The following PPM1B variants were observed in gnomAD, a reference collection of about 807,000 sequenced individuals.
PPM1B encodes the protein protein phosphatase 1B.
A neutral mutation model predicts 43.0 loss-of-function variants in PPM1B; 22 were observed. The observed-to-expected ratio is 0.51, with a 90% CI of 0.37 to 0.73. The LOEUF is 0.73. Ranked by LOEUF, PPM1B falls within the 30% of genes least tolerant of loss-of-function variation. The pLI is 0.00. For synonymous variants in PPM1B, 217 were observed against 197.9 expected (o/e 1.10, Z -0.81); for missense variants, 632 against 584.2 (o/e 1.08, Z -0.84).
At chr2:44,224,221 C>T (rs995300351) in intron 5 of PPM1B, among the ~76,000 whole-genome samples, 10 of 151,956 alleles carry the variant, frequency 6.6e-5, no homozygotes, top group African/African-American at 1.2e-4. Context: ...TTTGGGAGGC[C>T]GAGGTGGGCG....
At chr2:44,227,918 TTTTC>T (rs1433155906) in intron 5 of PPM1B, among the ~76,000 whole-genome samples, 1 of 108,142 alleles carries the variant, frequency 9.2e-6, no homozygotes, top group Non-Finnish European at 2.1e-5. Flanking sequence ...TTTCTTTTTC[TTTTC>T]TTTTTTTTTT....
rs546925613 is a variant in PPM1B, at chr2:44,217,264, T to C, written c.965-703T>C. Among the ~76,000 whole-genome samples, 22 of 151,966 alleles carry C rather than the reference T, an allele frequency of 1.4e-4. No homozygotes were observed. In the East Asian group the frequency reaches 2.3e-3, roughly 16 times the overall value. ...AAAATACAAAATTAGCCAGGCATGG[T>C]AGCACATGCCTGTAATCCCAGCTAC... On this transcript the variant is annotated intron_variant, in intron 3 of 5. Coordinates refer to ENST00000282412, the MANE Select transcript of PPM1B (RefSeq NM_002706.6).
intron 1 of PPM1B, among the ~76,000 whole-genome samples, chr2:44,176,017 C>G (rs1285785382): frequency 6.6e-6 from 1 of 152,092 alleles, no homozygotes; most frequent in African/African-American, 2.4e-5. Context: ...AACTCCTGAC[C>G]TCATGATCCA....
chr2:44,173,444 C>A (rs773641047), intron 1 of PPM1B, among the ~76,000 whole-genome samples: 5 of 151,686 alleles, frequency 3.3e-5, no homozygotes, highest in Non-Finnish European at 7.4e-5. Flanking sequence ...TCTCATACTT[C>A]GTAGTTTTCC....
rs1054554241 is a variant in PPM1B, at chr2:44,168,927, T to C, written c.-362T>C. On this transcript the variant is annotated 5_prime_UTR_variant, in exon 1 of 6. It removes the in-frame stop codon of an upstream open reading frame in the 5' UTR. Transcript: ENST00000282412. The stretch of plus-strand genomic sequence containing the variant: ...AATGGCGGAAAAGCCGCCGGTGCTC[T>C]GACGGCCTCGTTCCCCTAGCAGTTG... 1 of 153,504 alleles carries C rather than the reference T, an allele frequency of 6.5e-6. No homozygotes were observed. Among genetic ancestry groups the C allele is most frequent in the Non-Finnish European group, 1.5e-5 (1 of 68,334 alleles). The allele number at this position is 153,504 out of a possible 1,614,324, so 9.5% of individuals were successfully genotyped here. A position where few individuals can be genotyped will look rare whatever the true frequency, so the allele number is the denominator to read the frequency against.
intron 1 of PPM1B, among the ~76,000 whole-genome samples, chr2:44,188,111 T>G (rs1347111304): frequency 6.6e-6 from 1 of 152,218 alleles, no homozygotes; most frequent in Non-Finnish European, 1.5e-5. Flanking sequence ...TTACTTTAAC[T>G]TTCAAAAACC....
At chr2:44,225,033 A>C (rs1670151072) in intron 5 of PPM1B, among the ~76,000 whole-genome samples, 1 of 152,184 alleles carries the variant, frequency 6.6e-6, no homozygotes, top group Non-Finnish European at 1.5e-5. Context: ...CACAAATCAG[A>C]GCCCTGCCAT....
At chr2:44,230,150 G>A in intron 5 of PPM1B, 2 of 1,437,256 alleles carry the variant, frequency 1.4e-6, no homozygotes, top group Non-Finnish European at 1.8e-6. Flanking sequence ...TATAAAAGCT[G>A]AGTAAATTTC....
Position 44,241,430 on chromosome 2 carries a change from G to T in PPM1B, n.1547-2798G>T, listed in dbSNP as rs1215742741. Among the ~76,000 whole-genome samples the T allele has an allele frequency of 6.2e-5, 9 of 144,470 alleles. 1 individual carries two copies. The highest frequency in any genetic ancestry group is 4.1e-4 in the Admixed American group (6 of 14,514). 94.8% of individuals were successfully genotyped at this position (144,470 alleles called of 152,430 possible). On this transcript the variant is annotated intron_variant and non_coding_transcript_variant, in intron 5 of 5. Transcript: ENST00000378540. ...GGAATACATGTGTTAATATTTAAGT[G>T]CTGTTTAAAATGTCTTCAAGGCCAG...
intron 5 of PPM1B, among the ~76,000 whole-genome samples, chr2:44,220,683 A>G: frequency 6.6e-6 from 1 of 152,216 alleles, no homozygotes; most frequent in South Asian, 2.1e-4. Context: ...ACCTTAAATG[A>G]TCAAAATATT....
At chr2:44,202,176 C>G (rs1668970689) in intron 2 of PPM1B, 131 bp downstream of exon 2, 1 of 900,128 alleles carries the variant, frequency 1.1e-6, no homozygotes, top group African/African-American at 1.7e-5. Flanking sequence ...AGTACTTTAC[C>G]AGAAATGAAA....
At chr2:44,193,889 T>A (rs1159075669) in intron 1 of PPM1B, among the ~76,000 whole-genome samples, 2 of 152,088 alleles carry the variant, frequency 1.3e-5, no homozygotes, top group Non-Finnish European at 2.9e-5. Context: ...TAAAAAATTT[T>A]TTTTTATAGA....
intron 1 of PPM1B, among the ~76,000 whole-genome samples, chr2:44,188,318 TTTGA>T (rs1668225157): frequency 6.6e-6 from 1 of 152,122 alleles, no homozygotes; most frequent in African/African-American, 2.4e-5. Context: ...AGAAGTCTTC[TTTGA>T]TTTAGTTTTT....
chr2:44,184,862 C>T (rs1358534566), intron 1 of PPM1B, among the ~76,000 whole-genome samples: 2 of 150,966 alleles, frequency 1.3e-5, no homozygotes, highest in Admixed American at 1.3e-4. Flanking sequence ...TTTTACTTGT[C>T]TTCTTTAGAA....
intron 1 of PPM1B, among the ~76,000 whole-genome samples, chr2:44,190,233 G>T (rs1402624286): frequency 6.8e-6 from 1 of 146,576 alleles, no homozygotes; most frequent in Non-Finnish European, 1.5e-5. Flanking sequence ...TCAGCTCACT[G>T]CAACCTCTGC....
chr2:44,186,887 A>G (rs1373093970), intron 1 of PPM1B, among the ~76,000 whole-genome samples: 1 of 152,236 alleles, frequency 6.6e-6, no homozygotes, highest in East Asian at 1.9e-4. Context: ...ATTGTAGTAC[A>G]AAAAGCACAT....
intron 1 of PPM1B, among the ~76,000 whole-genome samples, chr2:44,194,579 C>T (rs987288124): frequency 6.6e-6 from 1 of 152,034 alleles, no homozygotes; most frequent in Non-Finnish European, 1.5e-5. Context: ...AAAAATTAGC[C>T]AGGCGTGGTG....
intron 2 of PPM1B, among the ~76,000 whole-genome samples, chr2:44,208,099 A>G (rs1669280491): frequency 6.6e-6 from 1 of 151,424 alleles, no homozygotes; most frequent in Non-Finnish European, 1.5e-5. Flanking sequence ...CATGTTAGTC[A>G]GGCTGGTCTT....
intron 1 of PPM1B, among the ~76,000 whole-genome samples, chr2:44,182,575 A>G (rs1415227859): frequency 6.6e-6 from 1 of 152,206 alleles, no homozygotes; most frequent in Non-Finnish European, 1.5e-5. Context: ...CTAGTAATTT[A>G]TAATTACTTT....
Sources: gnomAD v4.1 joint callset for allele counts (sites outside exome capture counted in the v4.1 genomes callset) on GRCh38, gnomAD v4.1.1 for gene constraint, MANE v1.5 for transcripts, NCBI Gene and HGNC (gene_info 2026-07-23, HGNC 2026-07-21) for gene names.